The following MGAT5B variants were observed in gnomAD, a reference collection of about 807,000 sequenced individuals.
The protein encoded by MGAT5B is alpha-1,6-mannosylglycoprotein 6-beta-N-acetylglucosaminyltransferase B, also known as N-acetylglucosaminyl-transferase Vb.
A neutral mutation model predicts 95.1 loss-of-function variants in MGAT5B; 54 were observed. The observed-to-expected ratio is 0.57, with a 90% CI of 0.46 to 0.71. The LOEUF (loss-of-function observed/expected upper bound fraction) is 0.71. Among genes scored for constraint, MGAT5B ranks in the 30% least tolerant of loss-of-function variants. MGAT5B has a pLI of 0.00. For missense variants in MGAT5B, 935 were observed against 1,088.6 expected, an observed-to-expected ratio of 0.86 and a Z score of 1.99; for synonymous variants, 464 against 451.0, an observed-to-expected ratio of 1.03 and a Z score of -0.36.
At chr17:76,893,047 G>T (rs1288421328) in intron 3 of MGAT5B, among the ~76,000 whole-genome samples, 7 of 152,134 alleles carry the variant, frequency 4.6e-5, no homozygotes, top group African/African-American at 1.7e-4. Flanking sequence ...TGGACATCCC[G>T]GAGCTGCCCA....
In MGAT5B at chr17:76,938,071, G is replaced by A; in HGVS notation, c.1512G>A (p.Glu504=). 2 of 1,614,256 alleles carry A rather than the reference G, an allele frequency of 1.2e-6. No individual in the cohort carries two copies. Among genetic ancestry groups the A allele is most frequent in the Non-Finnish European group, 1.7e-6 (2 of 1,180,042 alleles). Residue 504 remains glutamate (E), a synonymous_variant, in exon 13 of 18, where the codon GAG becomes GAA. Transcript: ENST00000569840. The surrounding 1 kb of genome is among the most constrained non-coding windows in gnomAD (Gnocchi z 4.3). ...ACTACGAGAGCCAGCGGCCCCCCGA[G>A]GTGCCAGCCTTTGTGAAGAACCACG... The part of the protein sequence containing the change: ...TVYYESQRPP[E]VPAFVKNHGL...
intron 2 of MGAT5B, among the ~76,000 whole-genome samples, chr17:76,874,786 T>G (rs1163272736): frequency 6.6e-6 from 1 of 152,076 alleles, no homozygotes; most frequent in African/African-American, 2.4e-5. Context: ...GTAGGAGCCC[T>G]GCTGTGCTCG....
In MGAT5B at chr17:76,870,506, G is replaced by T. The variant is rs1254985148; in HGVS notation, c.68+1409G>T. ...CGACCCCATCCCTGTCCCGCCCTCC[G>T]GGCCGCTGGGTGTTTCCTGGCGCGA... On this transcript the variant is annotated intron_variant, in intron 1 of 17. Transcript: ENST00000569840. This position sits in a 1 kb window ranked among gnomAD's most constrained non-coding sequence, Gnocchi z 5.0. 6.6e-6 allele frequency among the ~76,000 whole-genome samples: 1 copy of T among 152,124 alleles called. No homozygotes were observed. The highest frequency in any genetic ancestry group is 2.4e-5 in the African/African-American group (1 of 41,436).
rs140885578 is a variant in MGAT5B at position 76,882,861 on chromosome 17, C to T, written c.329+563C>T. Among the ~76,000 whole-genome samples, 553 of 150,532 alleles carry T rather than the reference C, an allele frequency of 3.7e-3. 11 individuals are homozygous for T. The East Asian group carries it at 0.043, about 12-fold the overall frequency. On this transcript the variant is annotated intron_variant, in intron 3 of 17. Coordinates refer to ENST00000569840, the MANE Select transcript of MGAT5B (RefSeq NM_001199172.2). Reference sequence around the variant, plus strand: ...TCCTGAGTAGCTGGGACTACAGGCGCCCACCACCACACCTCGGTAATTTTT... The same window carrying T: ...TCCTGAGTAGCTGGGACTACAGGCGTCCACCACCACACCTCGGTAATTTTT...
chr17:76,932,606 G>T (rs765870522), intron 10 of MGAT5B, 39 bp from the exon 11 acceptor site: 2 of 1,609,258 alleles, frequency 1.2e-6, no homozygotes, highest in Non-Finnish European at 8.5e-7. Context: ...GCCCTTGGTT[G>T]TTTGGTGACC....
chr17:76,902,756 T>A, intron 4 of MGAT5B, 86 bp downstream of exon 4: 1 of 984,740 alleles, frequency 1.0e-6, no homozygotes, highest in Admixed American at 2.2e-5. Flanking sequence ...GTGGGACACT[T>A]GGGGTGTGGC....
chr17:76,871,715 C>T (rs1009113722), intron 1 of MGAT5B, among the ~76,000 whole-genome samples: 3 of 152,118 alleles, frequency 2.0e-5, no homozygotes, highest in Non-Finnish European at 2.9e-5. Context: ...TCTGGCATGA[C>T]GTGGGGCTCT....
At chr17:76,920,382 C>G (rs1969088780) in intron 8 of MGAT5B, among the ~76,000 whole-genome samples, 1 of 152,092 alleles carries the variant, frequency 6.6e-6, no homozygotes, top group Non-Finnish European at 1.5e-5. Flanking sequence ...CACAGCCGAG[C>G]CTCCCGGGCA....
At chr17:76,883,915 C>T (rs1212491758) in intron 3 of MGAT5B, among the ~76,000 whole-genome samples, 1 of 152,156 alleles carries the variant, frequency 6.6e-6, no homozygotes, top group South Asian at 2.1e-4. Flanking sequence ...CACAGTGCGC[C>T]CATGTGGACT....
Position 76,918,183 on chromosome 17 carries a change from C to T in MGAT5B, c.1026-6783C>T, listed in dbSNP as rs189788438. Among the ~76,000 whole-genome samples, 12 of 94,960 alleles carry T rather than the reference C, an allele frequency of 1.3e-4. No individual in the cohort carries two copies. In the East Asian group the frequency reaches 5.5e-3, roughly 43 times the overall value. 62.3% of individuals were successfully genotyped at this position (94,960 alleles called of 152,430 possible). On this transcript the variant is annotated intron_variant, in intron 8 of 17. Coordinates refer to ENST00000569840, the MANE Select transcript of MGAT5B (RefSeq NM_001199172.2). The surrounding 1 kb of genome is among the most constrained non-coding windows in gnomAD (Gnocchi z 5.1). ...TCCCTCAGTTTCCCTTTCGGAGGCTCCCCCCCAACAACTGCACGCCTTGTA... is the reference window on the plus strand; with the variant it reads ...TCCCTCAGTTTCCCTTTCGGAGGCTTCCCCCCAACAACTGCACGCCTTGTA...
chr17:76,941,076 C>T (rs1028357019), intron 15 of MGAT5B, among the ~76,000 whole-genome samples: 6 of 152,216 alleles, frequency 3.9e-5, no homozygotes, highest in African/African-American at 1.2e-4. Flanking sequence ...GTGGGGAATG[C>T]CTTTGTGCAG....
intron 8 of MGAT5B, among the ~76,000 whole-genome samples, chr17:76,920,814 G>A (rs1324105894): frequency 3.3e-5 from 5 of 152,070 alleles, no homozygotes; most frequent in Non-Finnish European, 1.5e-5. Context: ...TTCACCCCTG[G>A]GCCCCTCACT....
rs1269634851 is a variant in MGAT5B, at chr17:76,904,341, G to A, written c.609G>A (p.Glu203=). Residue 203 remains glutamate (E), a synonymous_variant, in exon 6 of 18, where the codon GAG becomes GAA. Coordinates refer to ENST00000569840, the MANE Select transcript of MGAT5B (RefSeq NM_001199172.2). Reference sequence around the variant, plus strand: ...GCTCCTTCCTCATCTACCTCAGTGAGGTCGAGTGGTTCTGCCCCCCGCTGC... The same window carrying A: ...GCTCCTTCCTCATCTACCTCAGTGAAGTCGAGTGGTTCTGCCCCCCGCTGC... The part of the protein sequence containing the change: ...TECSFLIYLS[E]VEWFCPPLPW... 2 of 1,601,012 alleles carry A rather than the reference G, an allele frequency of 1.2e-6. No homozygotes were observed. Among genetic ancestry groups the A allele is most frequent in the Non-Finnish European group, 1.7e-6 (2 of 1,174,142 alleles).
rs71384132 is a variant in MGAT5B at position 76,948,069 on chromosome 17, C to G, written c.2163C>G (p.Ser721Arg). Residue 721 changes from serine to arginine, a missense_variant, in exon 17 of 18, where the codon AGC (serine) becomes AGG (arginine). By Grantham distance (110) the Ser-to-Arg change is moderately radical. This residue lies in a region of MGAT5B where 440 missense variants were observed against 523.6 expected (regional missense o/e 0.84). Coordinates refer to ENST00000569840, the MANE Select transcript of MGAT5B (RefSeq NM_001199172.2). Reference sequence around the variant, plus strand: ...CCTCCTTCTTCCCCTTCCTGAACAGCCAGGACGCCTTCCTCAAGTGAGTGT... The same window carrying G: ...CCTCCTTCTTCCCCTTCCTGAACAGGCAGGACGCCTTCCTCAAGTGAGTGT... The part of the protein sequence containing the change: ...CEPSFFPFLN[S>R]QDAFLKLQVP... 1 of 1,604,752 alleles carries G rather than the reference C, an allele frequency of 6.2e-7. No homozygotes were observed. The highest frequency in any genetic ancestry group is 1.1e-5 in the South Asian group (1 of 89,880).
rs1431785092 is a variant in MGAT5B, at chr17:76,906,840, CTT to C, written c.1025+655_1025+656del. Among the ~76,000 whole-genome samples, 1 of 151,952 alleles carries C rather than the reference CTT, an allele frequency of 6.6e-6. No homozygotes were observed. Among genetic ancestry groups the C allele is most frequent in the Non-Finnish European group, 1.5e-5 (1 of 67,984 alleles). On this transcript the variant is annotated intron_variant, in intron 8 of 17. Coordinates refer to ENST00000569840, the MANE Select transcript of MGAT5B (RefSeq NM_001199172.2). This position sits in a 1 kb window ranked among gnomAD's most constrained non-coding sequence, Gnocchi z 4.6. Reference sequence around the variant, plus strand: ...ATGTAGGAATACAGGAGATTCTTCTCTTTATTAATATTTATTGTAAGATATAT... The same window carrying C: ...ATGTAGGAATACAGGAGATTCTTCTCTATTAATATTTATTGTAAGATATAT...
At chr17:76,919,482 T>G (rs115796977) in intron 8 of MGAT5B, among the ~76,000 whole-genome samples, 1,795 of 152,296 alleles carry the variant, frequency 0.012, 38 homozygotes, top group African/African-American at 0.041. Flanking sequence ...CAGGCTAGAG[T>G]GCAACGGTGT....
intron 3 of MGAT5B, among the ~76,000 whole-genome samples, chr17:76,892,100 G>A (rs558683824): frequency 2.0e-5 from 3 of 152,324 alleles, no homozygotes; most frequent in East Asian, 1.9e-4. Context: ...AACCTGGAGT[G>A]CAGTGGCTCG....
intron 10 of MGAT5B, among the ~76,000 whole-genome samples, chr17:76,927,035 G>A (rs59277817): frequency 0.22 from 33,652 of 152,070 alleles, 3,796 homozygotes; most frequent in East Asian, 0.27. Flanking sequence ...TCCAGAACAC[G>A]GGGGACTCCG....
Position 76,940,582 on chromosome 17 carries a change from G to A in MGAT5B, c.1731+34G>A. On this transcript the variant is annotated intron_variant, in intron 14 of 17. Coordinates refer to ENST00000569840, the MANE Select transcript of MGAT5B (RefSeq NM_001199172.2). This position sits in a 1 kb window ranked among gnomAD's most constrained non-coding sequence, Gnocchi z 4.3. Reference sequence around the variant, plus strand: ...AAAGCATCCTGGTCCCCGATCAGGAGGGGCCGGGACAGAGACCCCTGCAGG... The same window carrying A: ...AAAGCATCCTGGTCCCCGATCAGGAAGGGCCGGGACAGAGACCCCTGCAGG... The A allele has an allele frequency of 6.3e-7, 1 of 1,593,952 alleles. No individual in the cohort carries two copies. Among genetic ancestry groups the A allele is most frequent in the Non-Finnish European group, 8.6e-7 (1 of 1,166,930 alleles).
Sources: gnomAD v4.1 joint callset for allele counts (sites outside exome capture counted in the v4.1 genomes callset) on GRCh38, gnomAD v4.1.1 for gene constraint, gnomAD v4.1.1 regional missense constraint, Gnocchi (gnomAD v3.1) non-coding constraint, MANE v1.5 for transcripts, NCBI Gene and HGNC (gene_info 2026-07-23, HGNC 2026-07-21) for gene names.